Variants in PCDH15 observed in about 807,000 individuals in gnomAD.
PCDH15 encodes protocadherin-15.
PCDH15 carries 129 observed loss-of-function variants against 178.5 expected under a neutral mutation model. The ratio of observed to expected loss-of-function variants is 0.72; its 90% CI spans 0.63 to 0.84. PCDH15 has a LOEUF of 0.84. PCDH15 is among the 40% of genes least tolerant of loss of function. The pLI, the probability that PCDH15 is intolerant of heterozygous loss-of-function variation, is 0.00. For missense variants in PCDH15, 2,230 were observed against 2,099.9 expected (o/e 1.06, Z -1.21); for synonymous variants, 800 against 732.0 (o/e 1.09, Z -1.50).
At chr10:54,978,854 A>G (rs1414491212) in intron 2 of PCDH15, among the ~76,000 whole-genome samples, 2 of 152,146 alleles carry the variant, frequency 1.3e-5, no homozygotes, top group Non-Finnish European at 2.9e-5. Flanking sequence ...TTTCTTCCAC[A>G]TCTACATGAG....
chr10:54,376,362 A>G (rs945344179), intron 4 of PCDH15, among the ~76,000 whole-genome samples: 3 of 150,934 alleles, frequency 2.0e-5, no homozygotes, highest in Non-Finnish European at 4.4e-5. Flanking sequence ...TGTATATTTT[A>G]TCTATATTTA....
At chr10:54,592,983 T>C (rs969190545) in intron 2 of PCDH15, among the ~76,000 whole-genome samples, 1 of 152,226 alleles carries the variant, frequency 6.6e-6, no homozygotes, top group African/African-American at 2.4e-5. Context: ...GTCTTTCATC[T>C]AGCTGTTTGC....
chr10:55,551,565 G>C (rs1842003755), intron 2 of PCDH15, among the ~76,000 whole-genome samples: 1 of 151,692 alleles, frequency 6.6e-6, no homozygotes, highest in Non-Finnish European at 1.5e-5. Context: ...TTAATGATGT[G>C]TTTCCCAAAA....
chr10:54,030,904 A>AT (rs1429634321), intron 18 of PCDH15, among the ~76,000 whole-genome samples: 1 of 151,966 alleles, frequency 6.6e-6, no homozygotes, highest in Non-Finnish European at 1.5e-5. Flanking sequence ...CCCACTGTGA[A>AT]TTCCAAATCC....
chr10:54,109,955 C>T (rs748385755), intron 15 of PCDH15, among the ~76,000 whole-genome samples: 6 of 151,704 alleles, frequency 4.0e-5, no homozygotes, highest in Non-Finnish European at 7.4e-5. Flanking sequence ...TCAATATCAC[C>T]CCAAAATATA....
At chr10:55,367,982 A>T (rs1341813587) in intron 2 of PCDH15, among the ~76,000 whole-genome samples, 2 of 152,104 alleles carry the variant, frequency 1.3e-5, no homozygotes, top group Non-Finnish European at 2.9e-5. Context: ...CCCATTACAC[A>T]CACGCTTTTC....
intron 3 of PCDH15, among the ~76,000 whole-genome samples, chr10:54,473,680 T>C (rs2078076126): frequency 6.6e-6 from 1 of 152,030 alleles, no homozygotes; most frequent in Non-Finnish European, 1.5e-5. Flanking sequence ...ATAAAAATAA[T>C]ATAACAATCC....
rs374607039 is a variant in PCDH15 at position 55,627,423 on chromosome 10, A to C, written c.-156+202T>G. Among the ~76,000 whole-genome samples, 29 of 152,226 alleles carry C rather than the reference A, an allele frequency of 1.9e-4. 1 individual carries two copies. Among genetic ancestry groups the C allele is most frequent in the Admixed American group, 1.6e-3 (24 of 15,276 alleles). On this transcript the variant is annotated intron_variant, in intron 2 of 5. Transcript: ENST00000613346. Reference sequence around the variant, plus strand: ...CCCCCAACACAAACACATACATGTAAGGAGCGAGACATTCAGGCGATGAGC... The same window carrying C: ...CCCCCAACACAAACACATACATGTACGGAGCGAGACATTCAGGCGATGAGC...
At position 55,334,240 on chromosome 10, in the gene PCDH15, A is replaced by ATGTGTGTG. The variant is rs1174973055; in HGVS notation, c.-155-167590_-155-167589insCACACACA. 3.9e-3 allele frequency among the ~76,000 whole-genome samples: 349 copies of ATGTGTGTG among 88,530 alleles called. 2 individuals are homozygous for ATGTGTGTG. The highest frequency in any genetic ancestry group is 5.0e-3 in the South Asian group (12 of 2,414). The allele number at this position is 88,530 out of a possible 152,430, so 58.1% of individuals were successfully genotyped here. On this transcript the variant is annotated intron_variant, in intron 2 of 5. Transcript: ENST00000613346. ...GTGCTCCATATATATATATATATAT[A>ATGTGTGTG]TATGTGTGTGTGTGTGTGTGTGTGT...
At chr10:55,582,097 C>A (rs1360998520) in intron 2 of PCDH15, among the ~76,000 whole-genome samples, 1 of 152,172 alleles carries the variant, frequency 6.6e-6, no homozygotes, top group Admixed American at 6.5e-5. Flanking sequence ...GAGGCCTCCA[C>A]CACTTCTCAT....
At chr10:55,004,923 T>G (rs1839887952) in intron 2 of PCDH15, among the ~76,000 whole-genome samples, 1 of 152,236 alleles carries the variant, frequency 6.6e-6, no homozygotes, top group Middle Eastern at 3.4e-3. Flanking sequence ...ATTTTTTACA[T>G]CAGAATGGGT....
intron 10 of PCDH15, among the ~76,000 whole-genome samples, chr10:54,202,322 A>G (rs967409295): frequency 1.3e-5 from 2 of 151,932 alleles, no homozygotes; most frequent in African/African-American, 4.8e-5. Flanking sequence ...TCTTAGGAAG[A>G]GAAAAAAAAA....
intron 1 of PCDH15, among the ~76,000 whole-genome samples, chr10:54,784,018 G>A (rs568130096): frequency 5.5e-4 from 75 of 137,394 alleles, no homozygotes; most frequent in African/African-American, 1.9e-3. Flanking sequence ...ACGGCGGCAG[G>A]AAGGAGAAGT....
intron 3 of PCDH15, among the ~76,000 whole-genome samples, chr10:54,473,712 ATT>A (rs1308939889): frequency 1.3e-5 from 2 of 151,948 alleles, no homozygotes; most frequent in East Asian, 1.9e-4. Context: ...ATTCTAAAAT[ATT>A]TTGTCATTAG....
chr10:55,110,248 C>T (rs894408227), intron 2 of PCDH15, among the ~76,000 whole-genome samples: 2 of 151,880 alleles, frequency 1.3e-5, no homozygotes, highest in Admixed American at 1.3e-4. Flanking sequence ...ATTATACTTT[C>T]TAAGGATACA....
intron 1 of PCDH15, among the ~76,000 whole-genome samples, chr10:55,265,249 C>T (rs1278219274): frequency 4.6e-5 from 7 of 151,132 alleles, no homozygotes; most frequent in Admixed American, 6.6e-5. Flanking sequence ...TGGTAAGTTT[C>T]CGGATGACCA....
At chr10:54,366,546 T>G (rs1173854746) in intron 5 of PCDH15, among the ~76,000 whole-genome samples, 2 of 152,054 alleles carry the variant, frequency 1.3e-5, no homozygotes, top group Non-Finnish European at 2.9e-5. Context: ...AATACATAAT[T>G]CATAATAGAT....
At chr10:54,486,767 T>C (rs1213086334) in intron 3 of PCDH15, among the ~76,000 whole-genome samples, 1 of 152,030 alleles carries the variant, frequency 6.6e-6, no homozygotes, top group Non-Finnish European at 1.5e-5. Context: ...AATGTATTTA[T>C]AGTGCTATAT....
chr10:54,281,022 T>C (rs184359289), intron 8 of PCDH15, among the ~76,000 whole-genome samples: 34 of 152,044 alleles, frequency 2.2e-4, no homozygotes, highest in Middle Eastern at 6.8e-3. Flanking sequence ...TACACAGAAA[T>C]GTATATGTAT....
Sources: allele counts gnomAD v4.1 joint callset (sites outside exome capture counted in the v4.1 genomes callset), GRCh38; gene constraint gnomAD v4.1.1; transcripts MANE v1.5; gene names NCBI Gene and HGNC (gene_info 2026-07-23, HGNC 2026-07-21).